Variants in ZNF436 observed in about 807,000 individuals in gnomAD.
ZNF436 encodes the protein DNA-binding protein.
Under a neutral mutation model 41.9 loss-of-function variants are expected in ZNF436, and 22 were observed. That is an observed-to-expected ratio of 0.53 (90% CI 0.38 to 0.75). The LOEUF (loss-of-function observed/expected upper bound fraction) is 0.75, where lower values mean the gene tolerates loss of function less well. Among genes scored for constraint, ZNF436 ranks in the 30% least tolerant of loss-of-function variants. The pLI is 0.00. For synonymous variants in ZNF436, 217 were observed against 197.8 expected (o/e 1.10, Z -0.82); for missense variants, 506 against 587.3 (o/e 0.86, Z 1.43).
At position 23,360,856 on chromosome 1, in the gene ZNF436, T is replaced by G. The variant is rs945018879; in HGVS notation, c.*1113A>C. 1 of 152,692 alleles carries G rather than the reference T, an allele frequency of 6.5e-6. No homozygotes were observed. Among genetic ancestry groups the G allele is most frequent in the African/African-American group, 2.4e-5 (1 of 41,472 alleles). The allele number at this position is 152,692 out of a possible 1,614,324, so 9.5% of individuals were successfully genotyped here. On this transcript the variant is annotated 3_prime_UTR_variant, in exon 4 of 4. Coordinates refer to ENST00000314011, the MANE Select transcript of ZNF436 (RefSeq NM_001077195.2). ...ACATTTCTCACATTGGAGTTATGTC[T>G]GTACTTCTGTCACATGACTCACATC...
At chr1:23,368,106 G>C in intron 1 of ZNF436, 41 bp from the exon 2 acceptor site, 2 of 1,369,432 alleles carry the variant, frequency 1.5e-6, no homozygotes, top group Non-Finnish European at 2.1e-6. Flanking sequence ...ACGGAAAACA[G>C]GCCCTGCCCA....
chr1:23,360,931 C>T lies in ZNF436; in HGVS notation c.*1038G>A, dbSNP rs937737094. On this transcript the variant is annotated 3_prime_UTR_variant, in exon 4 of 4. Transcript: ENST00000314011. ...TAAATTCAGTTTCTATTAGAAAAAC[C>T]ACAGGAATACACATTACTGTACATA... is the stretch of plus-strand genomic sequence containing the variant. 3 of 152,610 alleles carry T rather than the reference C, an allele frequency of 2.0e-5. No individual in the cohort carries two copies. The highest frequency in any genetic ancestry group is 4.4e-5 in the Non-Finnish European group (3 of 68,040). 9.5% of individuals were successfully genotyped at this position (152,610 alleles called of 1,614,324 possible).
chr1:23,362,785 A>G lies in ZNF436; in HGVS notation c.597T>C (p.Cys199=). ...TGERPYDCNE[C]GKSFGRSSHL... ...GAGAACTTCTTCCAAAACTTTTCCC[A>G]CACTCGTTACAGTCATAAGGCCTCT... Residue 199 remains cysteine, a synonymous_variant, in exon 4 of 4, where the codon TGT becomes TGC. Coordinates refer to ENST00000314011, the MANE Select transcript of ZNF436 (RefSeq NM_001077195.2). The G allele has an allele frequency of 6.2e-7, 1 of 1,614,160 alleles. No homozygotes were observed. The highest frequency in any genetic ancestry group is 8.5e-7 in the Non-Finnish European group (1 of 1,180,030).
At chr1:23,367,205 T>C in intron 2 of ZNF436, 37 bp from the exon 3 acceptor site, 1 of 1,547,438 alleles carries the variant, frequency 6.5e-7, no homozygotes, top group Non-Finnish European at 8.7e-7. Context: ...ATTCTGTATT[T>C]AGGACTTCTT....
intron 3 of ZNF436, among the ~76,000 whole-genome samples, chr1:23,364,649 T>C (rs1638318937): frequency 6.6e-6 from 1 of 152,132 alleles, no homozygotes. Flanking sequence ...TTAATGAAAA[T>C]AGGAGTGGGA....
At position 23,361,854 on chromosome 1, in the gene ZNF436, C is replaced by T. The variant is rs549202686; in HGVS notation, c.*115G>A. On this transcript the variant is annotated 3_prime_UTR_variant, in exon 4 of 4. Transcript: ENST00000314011. ...GCTTGTCATCTCTGATGGTTTAAAT[C>T]GTGGCCCACAACTAGGAGAGTATGA... 98 of 1,104,764 alleles carry T rather than the reference C, an allele frequency of 8.9e-5. 1 individual carries two copies. The highest frequency in any genetic ancestry group is 2.1e-4 in the South Asian group (12 of 57,894). 68.4% of individuals were successfully genotyped at this position (1,104,764 alleles called of 1,614,324 possible).
chr1:23,362,765 C>A lies in ZNF436; in HGVS notation c.617G>T (p.Ser206Ile). ...CNECGKSFGR[S>I]SHLIQHQTIH... ...TGTCTGATGCTGAATCAGGTGAGAA[C>A]TTCTTCCAAAACTTTTCCCACACTC... is the stretch of plus-strand genomic sequence containing the variant. Residue 206 changes from serine (S) to isoleucine (I), a missense_variant, in exon 4 of 4, where the codon AGT becomes ATT. By Grantham distance (142) the Ser-to-Ile change is moderately radical. Coordinates refer to ENST00000314011, the MANE Select transcript of ZNF436 (RefSeq NM_001077195.2). The A allele has an allele frequency of 6.2e-7, 1 of 1,614,118 alleles. No homozygotes were observed.
intron 1 of ZNF436, 133 bp from the exon 2 acceptor site, chr1:23,368,198 C>A: frequency 9.9e-6 from 6 of 607,392 alleles, no homozygotes; most frequent in Non-Finnish European, 1.2e-5. Flanking sequence ...CCCTGACCCT[C>A]GAGCGCGACC....
intron 1 of ZNF436, 162 bp downstream of exon 1, chr1:23,369,204 C>T: frequency 2.4e-6 from 1 of 417,714 alleles, no homozygotes; most frequent in Non-Finnish European, 4.9e-6. Context: ...TCCTTAGCGT[C>T]CCAGAGGGCT....
At position 23,362,377 on chromosome 1, in the gene ZNF436, G is replaced by A. The variant is rs2148528115; in HGVS notation, c.1005C>T (p.His335=). 1 of 1,613,390 alleles carries A rather than the reference G, an allele frequency of 6.2e-7. No homozygotes were observed. The highest frequency in any genetic ancestry group is 2.2e-5 in the East Asian group (1 of 44,790). The change falls in exon 4 of 4, where the codon CAC becomes CAT. Residue 335 remains histidine, a synonymous_variant. Transcript: ENST00000314011. ...TGAAATTTTCCCCACATTCGTTACAGTGGTATGGCTTCTCTCCCGTGTGGG... is the reference window on the plus strand; with the variant it reads ...TGAAATTTTCCCCACATTCGTTACAATGGTATGGCTTCTCTCCCGTGTGGG... ...RRAHTGEKPY[H]CNECGENFSR... is the part of the protein sequence containing the mutation.
At chr1:23,363,355 C>T in intron 3 of ZNF436, 134 bp from the exon 4 acceptor site, 1 of 689,094 alleles carries the variant, frequency 1.5e-6, no homozygotes, top group East Asian at 2.8e-5. Context: ...GTGGTGTGAT[C>T]TTGGCTCACT....
intron 3 of ZNF436, among the ~76,000 whole-genome samples, chr1:23,365,027 C>A (rs754906427): frequency 6.6e-6 from 1 of 151,964 alleles, no homozygotes; most frequent in Admixed American, 6.6e-5. Context: ...GAGGCTGATG[C>A]AGGAGGATCA....
At chr1:23,369,309 C>T (rs761808142) in intron 1 of ZNF436, 57 bp downstream of exon 1, 4 of 521,868 alleles carry the variant, frequency 7.7e-6, no homozygotes, top group Admixed American at 5.9e-5. Flanking sequence ...TGTTAGCAGT[C>T]CCTGTCCGGT....
At chr1:23,367,889 T>C in intron 2 of ZNF436, 84 bp downstream of exon 2, 1 of 1,498,396 alleles carries the variant, frequency 6.7e-7, no homozygotes, top group Non-Finnish European at 9.3e-7. Context: ...CCCAGGGAAT[T>C]TCCCACAGGG....
At position 23,369,707 on chromosome 1, in the gene ZNF436, G is replaced by C. The variant is rs139242133; in HGVS notation, c.-402C>G. ...GCATTCAGCTGGAGTTCCTCGGAACGGGAGGACTCGCAGCTCTCCCTTTCC... is the reference window on the plus strand; with the variant it reads ...GCATTCAGCTGGAGTTCCTCGGAACCGGAGGACTCGCAGCTCTCCCTTTCC... On this transcript the variant is annotated 5_prime_UTR_variant, in exon 1 of 4. Coordinates refer to ENST00000314011, the MANE Select transcript of ZNF436 (RefSeq NM_001077195.2). The C allele has an allele frequency of 9.7e-4, 420 of 430,978 alleles. 2 individuals are homozygous for C. The highest frequency in any genetic ancestry group is 6.8e-3 in the African/African-American group (332 of 48,846). 26.7% of individuals were successfully genotyped at this position (430,978 alleles called of 1,614,324 possible).
Position 23,361,705 on chromosome 1 carries a change from C to T in ZNF436, c.*264G>A. ...GCCTAAGCATTCACCAGCATTTGTCCCCTGGTCTTCAGATTTCCAGTTACT... is the reference window on the plus strand; with the variant it reads ...GCCTAAGCATTCACCAGCATTTGTCTCCTGGTCTTCAGATTTCCAGTTACT... On this transcript the variant is annotated 3_prime_UTR_variant, in exon 4 of 4. Coordinates refer to ENST00000314011, the MANE Select transcript of ZNF436 (RefSeq NM_001077195.2). 2.8e-6 allele frequency: 1 copy of T among 362,376 alleles called. No homozygotes were observed. Among genetic ancestry groups the T allele is most frequent in the Non-Finnish European group, 5.0e-6 (1 of 199,396 alleles). The allele number at this position is 362,376 out of a possible 1,614,324, so 22.4% of individuals were successfully genotyped here.
chr1:23,368,044 G>C lies in ZNF436; in HGVS notation c.-39C>G. ...GTTCGCCTCCAGGGAGAGAGAGCAGGAAAAGCAGCTAGCAGACAGCGCTGA... is the reference window on the plus strand; with the variant it reads ...GTTCGCCTCCAGGGAGAGAGAGCAGCAAAAGCAGCTAGCAGACAGCGCTGA... On this transcript the variant is annotated 5_prime_UTR_variant, in exon 2 of 4. Transcript: ENST00000314011. The C allele has an allele frequency of 1.9e-6, 3 of 1,613,306 alleles. No individual in the cohort carries two copies. The highest frequency in any genetic ancestry group is 1.3e-5 in the African/African-American group (1 of 75,028).
At chr1:23,367,730 A>G (rs1638393327) in intron 2 of ZNF436, among the ~76,000 whole-genome samples, 1 of 152,240 alleles carries the variant, frequency 6.6e-6, no homozygotes, top group African/African-American at 2.4e-5. Flanking sequence ...GTGAGCTGTG[A>G]GCTAGAAGGT....
In ZNF436 at chr1:23,369,394, C is replaced by T. The variant is rs761895972; in HGVS notation, c.-89G>A. The T allele has an allele frequency of 3.7e-5, 20 of 534,590 alleles. No homozygotes were observed. Among genetic ancestry groups the T allele is most frequent in the African/African-American group, 1.9e-5 (1 of 51,980 alleles). The allele number at this position is 534,590 out of a possible 1,614,324, so 33.1% of individuals were successfully genotyped here. ...CTGTCCCGCAAAAGATCCACTAGAT[C>T]GTCGTCTCCAAAACCTGAGAGACCG... On this transcript the variant is annotated 5_prime_UTR_variant, in exon 1 of 4. Transcript: ENST00000314011.
Sources: gnomAD v4.1 joint callset for allele counts (sites outside exome capture counted in the v4.1 genomes callset) on GRCh38, gnomAD v4.1.1 for gene constraint, MANE v1.5 for transcripts, NCBI Gene and HGNC (gene_info 2026-07-23, HGNC 2026-07-21) for gene names.